DSCAM: variants seen among roughly 807,000 people sequenced by gnomAD.
DSCAM encodes the protein cell adhesion molecule DSCAM.
DSCAM carries 47 observed loss-of-function variants against 217.7 expected under a neutral mutation model. That is an observed-to-expected ratio of 0.22 (90% CI 0.17 to 0.28). DSCAM has a LOEUF of 0.28. Among genes scored for constraint, DSCAM ranks in the 10% least tolerant of loss-of-function variants. The probability of loss-of-function intolerance (pLI) is 1.00; values close to 1 mark genes in which losing one functional copy is unlikely to be tolerated. For missense variants in DSCAM, 2,080 were observed against 2,618.3 expected, an observed-to-expected ratio of 0.79 and a Z score of 4.49; for synonymous variants, 1,056 against 1,015.3, an observed-to-expected ratio of 1.04 and a Z score of -0.76.
intron 3 of DSCAM, among the ~76,000 whole-genome samples, chr21:40,536,804 C>T (rs947774949): frequency 2.0e-5 from 3 of 152,042 alleles, no homozygotes; most frequent in Non-Finnish European, 4.4e-5. Flanking sequence ...TTTTGGGATG[C>T]GTAAAGAGGA....
At chr21:40,660,345 A>G (rs2090125720) in intron 3 of DSCAM, among the ~76,000 whole-genome samples, 1 of 152,240 alleles carries the variant, frequency 6.6e-6, no homozygotes, top group Non-Finnish European at 1.5e-5. Context: ...AGGGAGGGAT[A>G]GGAGTCAACA....
intron 31 of DSCAM, 110 bp from the exon 32 acceptor site, chr21:40,042,783 C>A: frequency 1.9e-6 from 2 of 1,069,840 alleles, no homozygotes; most frequent in South Asian, 1.6e-5. Flanking sequence ...ATGGTGGGAC[C>A]TGGTAGGAGT....
chr21:40,124,205 G>T lies in DSCAM; in HGVS notation c.3686C>A (p.Pro1229His). 6.2e-7 allele frequency: 1 copy of T among 1,614,038 alleles called. No individual in the cohort carries two copies. Among genetic ancestry groups the T allele is most frequent in the Non-Finnish European group, 8.5e-7 (1 of 1,180,012 alleles). ...TATTTACCAACTTACTGTGGGATAG[G>T]GGTGGGAGCAGAATACAGTGTACTT... The part of the protein sequence containing the change: ...IRKYTVFCSH[P>H]YPTVISEFEA... Residue 1229 changes from proline to histidine, a missense_variant, in exon 20 of 33, where the codon CCC becomes CAC. Physicochemically the swap from Pro to His is moderately conservative, Grantham distance 77. This residue lies in a region of DSCAM where 1,144 missense variants were observed against 1,421.1 expected (regional missense o/e 0.81). Transcript: ENST00000400454.
intron 16 of DSCAM, 52 bp downstream of exon 16, chr21:40,167,166 G>A (rs2090604319): frequency 1.9e-6 from 3 of 1,557,658 alleles, no homozygotes; most frequent in Non-Finnish European, 2.7e-6. Flanking sequence ...CAGGAGTGAA[G>A]GGCTCGCCCT....
chr21:40,437,977 C>A (rs1412334659), intron 3 of DSCAM, among the ~76,000 whole-genome samples: 4 of 152,360 alleles, frequency 2.6e-5, no homozygotes, highest in African/African-American at 7.2e-5. Flanking sequence ...CTCAGTCTGA[C>A]CCTATGTCCT....
chr21:40,308,671 C>T (rs1170896420), intron 9 of DSCAM, among the ~76,000 whole-genome samples: 1 of 152,100 alleles, frequency 6.6e-6, no homozygotes, highest in Admixed American at 6.6e-5. Flanking sequence ...CAGAAAGTAC[C>T]CCAAGCAGCT....
intron 11 of DSCAM, among the ~76,000 whole-genome samples, chr21:40,258,069 C>T (rs2073398452): frequency 6.6e-6 from 1 of 152,198 alleles, no homozygotes; most frequent in African/African-American, 2.4e-5. Context: ...AGCAATGGCC[C>T]ATTCTGTATC....
At chr21:40,718,036 C>T (rs1248512333) in intron 1 of DSCAM, among the ~76,000 whole-genome samples, 1 of 152,092 alleles carries the variant, frequency 6.6e-6, no homozygotes, top group Non-Finnish European at 1.5e-5. Flanking sequence ...TATGATCCTA[C>T]CAGCATCGGT....
At chr21:40,466,565 T>C (rs888518099) in intron 3 of DSCAM, among the ~76,000 whole-genome samples, 9 of 152,222 alleles carry the variant, frequency 5.9e-5, no homozygotes, top group Admixed American at 5.9e-4. Context: ...ATAATTTATT[T>C]CTTAAATGGA....
At chr21:40,740,317 T>G (rs2091111824) in intron 1 of DSCAM, among the ~76,000 whole-genome samples, 1 of 152,156 alleles carries the variant, frequency 6.6e-6, no homozygotes, top group Non-Finnish European at 1.5e-5. Flanking sequence ...GATGAGGAGA[T>G]AGTTTGGCCA....
chr21:40,184,050 A>T (rs1000372), intron 14 of DSCAM, among the ~76,000 whole-genome samples: 1,962 of 152,290 alleles, frequency 0.013, 50 homozygotes, highest in African/African-American at 0.045. Context: ...AGTGGGGTGC[A>T]GATAGTAAAT....
intron 3 of DSCAM, among the ~76,000 whole-genome samples, chr21:40,485,477 C>T (rs1234248710): frequency 6.6e-6 from 1 of 151,730 alleles, no homozygotes; most frequent in African/African-American, 2.4e-5. Flanking sequence ...CTCCTGACCT[C>T]GTGATCCGCC....
At chr21:40,710,624 G>T (rs2090769926) in intron 1 of DSCAM, among the ~76,000 whole-genome samples, 1 of 152,048 alleles carries the variant, frequency 6.6e-6, no homozygotes, top group Non-Finnish European at 1.5e-5. Context: ...CATCAAATGT[G>T]TTCATACACA....
intron 16 of DSCAM, among the ~76,000 whole-genome samples, chr21:40,163,471 C>T (rs1262189531): frequency 6.6e-6 from 1 of 152,134 alleles, no homozygotes; most frequent in Non-Finnish European, 1.5e-5. Context: ...GAACTGCTTA[C>T]ATTGTCTTTT....
chr21:40,120,583 A>C (rs572672860), intron 20 of DSCAM, among the ~76,000 whole-genome samples: 1 of 152,304 alleles, frequency 6.6e-6, no homozygotes, highest in Admixed American at 6.5e-5. Flanking sequence ...CTATATATTA[A>C]AATTAATAGC....
intron 1 of DSCAM, among the ~76,000 whole-genome samples, chr21:40,780,180 C>G (rs2091526897): frequency 6.6e-6 from 1 of 152,028 alleles, no homozygotes; most frequent in South Asian, 2.1e-4. Context: ...GCCTTAAATG[C>G]AAGTTGTGCT....
chr21:40,488,365 A>T (rs1310135515), intron 3 of DSCAM, among the ~76,000 whole-genome samples: 1 of 152,184 alleles, frequency 6.6e-6, no homozygotes. Context: ...GATCCAGGAA[A>T]AGAGACGTTT....
At chr21:40,087,526 C>A (rs1257463757) in intron 21 of DSCAM, among the ~76,000 whole-genome samples, 1 of 152,178 alleles carries the variant, frequency 6.6e-6, no homozygotes, top group Non-Finnish European at 1.5e-5. Context: ...CATGAGGAGT[C>A]CAAATTAAAT....
intron 3 of DSCAM, among the ~76,000 whole-genome samples, chr21:40,372,346 C>A (rs1217212058): frequency 6.6e-6 from 1 of 152,240 alleles, no homozygotes; most frequent in Non-Finnish European, 1.5e-5. Context: ...AGTGCAAACA[C>A]ACAATTCTGT....
Sources: gnomAD v4.1 joint callset for allele counts (sites outside exome capture counted in the v4.1 genomes callset) on GRCh38, gnomAD v4.1.1 for gene constraint, gnomAD v4.1.1 regional missense constraint, MANE v1.5 for transcripts, NCBI Gene and HGNC (gene_info 2026-07-23, HGNC 2026-07-21) for gene names.